The following PCNX2 variants were observed in gnomAD, a reference collection of about 807,000 sequenced individuals.
PCNX2 encodes pecanex 2.
In PCNX2, 168 loss-of-function variants were observed where a neutral mutation model predicts 223.8. The observed-to-expected ratio is 0.75, with a 90% CI of 0.66 to 0.85. The LOEUF (loss-of-function observed/expected upper bound fraction) is 0.85, where lower values mean the gene tolerates loss of function less well. Among genes scored for constraint, PCNX2 ranks in the 40% least tolerant of loss-of-function variants. The probability of loss-of-function intolerance (pLI) is 0.00; values close to 1 mark genes in which losing one functional copy is unlikely to be tolerated. For synonymous variants in PCNX2, 1,006 were observed against 1,052.6 expected, an observed-to-expected ratio of 0.96 and a Z score of 0.86; for missense variants, 2,507 against 2,675.5, an observed-to-expected ratio of 0.94 and a Z score of 1.39.
intron 9 of PCNX2, among the ~76,000 whole-genome samples, chr1:233,236,049 G>A (rs934643766): frequency 6.9e-6 from 1 of 144,810 alleles, no homozygotes; most frequent in African/African-American, 2.5e-5. Context: ...CAGGAAAAAG[G>A]TAAACAGAAA....
At chr1:233,181,785 G>A (rs1485815935) in intron 15 of PCNX2, among the ~76,000 whole-genome samples, 1 of 152,120 alleles carries the variant, frequency 6.6e-6, no homozygotes, top group Non-Finnish European at 1.5e-5. Flanking sequence ...GAGCATTCTA[G>A]GGCCTCTTTT....
In PCNX2 at chr1:233,001,785, C is replaced by T; in HGVS notation, c.4953-104G>A. 1 of 1,129,932 alleles carries T rather than the reference C, an allele frequency of 8.9e-7. No homozygotes were observed. Among genetic ancestry groups the T allele is most frequent in the Non-Finnish European group, 1.2e-6 (1 of 852,940 alleles). The allele number at this position is 1,129,932 out of a possible 1,614,324, so 70.0% of individuals were successfully genotyped here. A position where few individuals can be genotyped will look rare whatever the true frequency, so the allele number is the denominator to read the frequency against. ...TCTAAGAATTATCTTAACATTTAGG[C>T]TGATATAGCAAGAAAATGAAGATAA... On this transcript the variant is annotated intron_variant, in intron 28 of 33. Coordinates refer to ENST00000258229, the MANE Select transcript of PCNX2 (RefSeq NM_014801.4). The surrounding 1 kb of genome is among the most constrained non-coding windows in gnomAD (Gnocchi z 4.2).
At chr1:233,165,312 C>T (rs2475155) in intron 17 of PCNX2, among the ~76,000 whole-genome samples, 103,390 of 152,058 alleles carry the variant, frequency 0.68, 35,199 homozygotes, top group South Asian at 0.74. Context: ...TATATGCCTC[C>T]TAGGGCACAT....
intron 10 of PCNX2, among the ~76,000 whole-genome samples, chr1:233,221,396 C>A (rs536637404): frequency 6.6e-6 from 1 of 151,642 alleles, no homozygotes; most frequent in African/African-American, 2.4e-5. Context: ...AAAAAAAAAC[C>A]TTTTTCTGTT....
chr1:233,168,941 G>T (rs986846537), intron 17 of PCNX2, among the ~76,000 whole-genome samples: 3 of 151,966 alleles, frequency 2.0e-5, no homozygotes, highest in African/African-American at 7.2e-5. Flanking sequence ...CATAATAATG[G>T]TAATTATTTC....
chr1:233,316,783 T>C, the PCNX2 span, among the ~76,000 whole-genome samples: 1 of 152,136 alleles, frequency 6.6e-6, no homozygotes, highest in Non-Finnish European at 1.5e-5. Context: ...GTTAACCCCC[T>C]CCCCATTCCT....
Position 232,986,459 on chromosome 1 carries a change from G to C in PCNX2, c.5873C>G (p.Pro1958Arg). The change falls in exon 33 of 34, where the codon CCC becomes CGC. Residue 1958 changes from proline (P) to arginine (R), a missense_variant. By Grantham distance (103) the Pro-to-Arg change is moderately radical. Transcript: ENST00000258229. The stretch of plus-strand genomic sequence containing the variant: ...GAATGTTTGGCGGCTCTCTAAGATG[G>C]GGCCAGATGAGCTCAGCATGGGCGG... ...QRPPMLSSSG[P>R]ILESRQTFLQ... 1 of 1,605,362 alleles carries C rather than the reference G, an allele frequency of 6.2e-7. No individual in the cohort carries two copies. Among genetic ancestry groups the C allele is most frequent in the Non-Finnish European group, 8.5e-7 (1 of 1,175,322 alleles).
rs151067340 is a variant in PCNX2, at chr1:233,141,645, C to T, written c.3518-1790G>A. 1.6e-3 allele frequency among the ~76,000 whole-genome samples: 241 copies of T among 152,012 alleles called. 2 individuals carry two copies. The highest frequency in any genetic ancestry group is 5.5e-3 in the African/African-American group (230 of 41,444). On this transcript the variant is annotated intron_variant, in intron 19 of 33. Coordinates refer to ENST00000258229, the MANE Select transcript of PCNX2 (RefSeq NM_014801.4). ...CCGAGATTGTGCCGCTGCACTCCAG[C>T]CTGAGTGGCAGAGAGAGACTCCATC...
At chr1:233,045,921 G>C (rs1222408758) in intron 25 of PCNX2, among the ~76,000 whole-genome samples, 1 of 152,240 alleles carries the variant, frequency 6.6e-6, no homozygotes, top group African/African-American at 2.4e-5. Context: ...TAGCTGCAAA[G>C]CCTGCTTTGC....
Position 232,994,870 on chromosome 1 carries a change from TGTAA to T in PCNX2, c.5791+3377_5791+3380del, listed in dbSNP as rs1326876842. Among the ~76,000 whole-genome samples, 4 of 152,180 alleles carry T rather than the reference TGTAA, an allele frequency of 2.6e-5. No homozygotes were observed. In the South Asian group the frequency reaches 6.2e-4, roughly 24 times the overall value. ...CTTCCCCTTCACGTTCCACCATAAT[TGTAA>T]GTTTCTTGAGGTCCCCCCAGCCATG... is the stretch of plus-strand genomic sequence containing the variant. On this transcript the variant is annotated intron_variant, in intron 32 of 33. Coordinates refer to ENST00000258229, the MANE Select transcript of PCNX2 (RefSeq NM_014801.4).
At position 233,218,143 on chromosome 1, in the gene PCNX2, A is replaced by C; in HGVS notation, c.2546T>G (p.Ile849Ser). 6.6e-7 allele frequency: 1 copy of C among 1,509,356 alleles called. No homozygotes were observed. The highest frequency in any genetic ancestry group is 1.2e-5 in the South Asian group (1 of 83,096). 93.5% of individuals were successfully genotyped at this position (1,509,356 alleles called of 1,614,324 possible). Residue 849 changes from isoleucine (I) to serine (S), a missense_variant, in exon 11 of 34, where the codon ATT becomes AGT. Ile to Ser is a moderately radical substitution (Grantham distance 142). This residue lies in a region of PCNX2 where 104 missense variants were observed against 144.4 expected (regional missense o/e 0.72). Transcript: ENST00000258229. ...AAATCCAAGGAGGGAAACCAGGACAATGAGTAAAATCGCCAGTACATTCTC... is the reference window on the plus strand; with the variant it reads ...AAATCCAAGGAGGGAAACCAGGACACTGAGTAAAATCGCCAGTACATTCTC... ...IKENVLAILL[I>S]VLVSLLGFLT...
intron 25 of PCNX2, among the ~76,000 whole-genome samples, chr1:233,030,396 AGT>A (rs989504712): frequency 7.9e-5 from 12 of 151,910 alleles, no homozygotes; most frequent in Admixed American, 5.9e-4. Flanking sequence ...AAAATCTTTG[AGT>A]GTGTTTGTAT....
At chr1:233,303,037 C>T in the PCNX2 span, among the ~76,000 whole-genome samples, 61,206 of 151,866 alleles carry the variant, frequency 0.4, 12,490 homozygotes, top group Middle Eastern at 0.46. Flanking sequence ...TATTTTTCAT[C>T]CTTACAGACT....
intron 15 of PCNX2, among the ~76,000 whole-genome samples, chr1:233,179,506 A>T (rs973823692): frequency 6.6e-6 from 1 of 152,372 alleles, no homozygotes; most frequent in East Asian, 1.9e-4. Context: ...ATAATTAACA[A>T]TTATAATAAT....
chr1:233,040,710 T>C (rs6424270), intron 25 of PCNX2, among the ~76,000 whole-genome samples: 37,105 of 151,942 alleles, frequency 0.24, 5,081 homozygotes, highest in African/African-American at 0.37. Context: ...GCCGTCACTC[T>C]TGGGGATGTC....
chr1:233,202,097 A>G, intron 13 of PCNX2: 1 of 443,260 alleles, frequency 2.3e-6, no homozygotes, highest in Non-Finnish European at 4.6e-6. Context: ...CATGTGTCTC[A>G]TCTGTCAGGT....
chr1:232,986,739 A>C (rs1426577828), intron 32 of PCNX2, among the ~76,000 whole-genome samples, 199 bp from the exon 33 acceptor site: 1 of 152,036 alleles, frequency 6.6e-6, no homozygotes, highest in Non-Finnish European at 1.5e-5. Context: ...TGAGAACCAA[A>C]GGGCCGACTG....
intron 13 of PCNX2, 23 bp from the exon 14 acceptor site, chr1:233,200,287 G>A: frequency 6.6e-7 from 1 of 1,505,338 alleles, no homozygotes; most frequent in Non-Finnish European, 9.0e-7. Context: ...AAACAAAATT[G>A]ACGATAAGCA....
rs113951484 is a variant in PCNX2, at chr1:233,094,137, C to T, written c.3946+1618G>A. ...AAGGCATAAACACCAACAAGAAATG[C>T]TACAGACAGATGCAAGTCCAAAGTT... On this transcript the variant is annotated intron_variant, in intron 22 of 33. Transcript: ENST00000258229. Among the ~76,000 whole-genome samples, 603 of 152,280 alleles carry T rather than the reference C, an allele frequency of 4.0e-3. 4 individuals carry two copies. Among genetic ancestry groups the T allele is most frequent in the African/African-American group, 0.014 (585 of 41,542 alleles).
Sources: allele counts gnomAD v4.1 joint callset (sites outside exome capture counted in the v4.1 genomes callset), GRCh38; gene constraint gnomAD v4.1.1; regional missense constraint gnomAD v4.1.1; non-coding constraint Gnocchi (gnomAD v3.1); transcripts MANE v1.5; gene names NCBI Gene and HGNC (gene_info 2026-07-23, HGNC 2026-07-21).